The following PTPRT variants were observed in gnomAD, a reference collection of about 807,000 sequenced individuals.
The protein encoded by PTPRT is protein tyrosine phosphatase receptor type T.
In PTPRT, 56 loss-of-function variants were observed where a neutral mutation model predicts 176.8. That is an observed-to-expected ratio of 0.32 (90% CI 0.26 to 0.40). The LOEUF is 0.40. Ranked by LOEUF, PTPRT falls within the 10% of genes least tolerant of loss-of-function variation. The pLI is 1.00. For synonymous variants in PTPRT, 783 were observed against 739.0 expected (o/e 1.06, Z -0.96); for missense variants, 1,540 against 1,908.2 (o/e 0.81, Z 3.60).
At chr20:43,154,770 C>G (rs2014468950) in intron 1 of PTPRT, among the ~76,000 whole-genome samples, 2 of 152,118 alleles carry the variant, frequency 1.3e-5, no homozygotes, top group African/African-American at 2.4e-5. Flanking sequence ...AGACAACTCA[C>G]AGAATAAGAG....
At chr20:42,413,639 C>T (rs574103458) in intron 9 of PTPRT, among the ~76,000 whole-genome samples, 4 of 152,154 alleles carry the variant, frequency 2.6e-5, no homozygotes, top group Non-Finnish European at 5.9e-5. Flanking sequence ...AATGTGCATT[C>T]ATGCATTACC....
intron 7 of PTPRT, among the ~76,000 whole-genome samples, chr20:42,554,238 A>G (rs1475370712): frequency 6.6e-6 from 1 of 152,068 alleles, no homozygotes; most frequent in East Asian, 1.9e-4. Flanking sequence ...TATAATACTA[A>G]TCTGTATGTC....
chr20:42,735,315 G>A (rs900902994), intron 6 of PTPRT, among the ~76,000 whole-genome samples: 3 of 152,088 alleles, frequency 2.0e-5, no homozygotes, highest in African/African-American at 7.2e-5. Flanking sequence ...AGCCAGGTCA[G>A]GCTTGACCCC....
intron 17 of PTPRT, among the ~76,000 whole-genome samples, chr20:42,157,993 A>G (rs944970240): frequency 2.0e-5 from 3 of 152,224 alleles, no homozygotes; most frequent in African/African-American, 7.2e-5. Flanking sequence ...GTGAGTGAAG[A>G]CATGTTCAGA....
intron 4 of PTPRT, among the ~76,000 whole-genome samples, chr20:42,778,959 T>G (rs2077176531): frequency 1.3e-5 from 2 of 152,120 alleles, no homozygotes; most frequent in African/African-American, 4.8e-5. Flanking sequence ...CCCAGTAGCA[T>G]CTCAGCATTC....
intron 19 of PTPRT, among the ~76,000 whole-genome samples, chr20:42,123,267 G>C (rs1409633208): frequency 6.6e-6 from 1 of 152,216 alleles, no homozygotes; most frequent in Admixed American, 6.5e-5. Context: ...TCACATTTTA[G>C]TTGTGGAGTT....
intron 1 of PTPRT, among the ~76,000 whole-genome samples, chr20:43,049,365 G>A (rs1027800114): frequency 3.3e-5 from 5 of 151,960 alleles, no homozygotes; most frequent in African/African-American, 7.3e-5. Flanking sequence ...GCATACATAC[G>A]TAGACACACT....
chr20:42,053,642 T>C, the PTPRT span, among the ~76,000 whole-genome samples: 3 of 152,210 alleles, frequency 2.0e-5, no homozygotes, highest in Non-Finnish European at 4.4e-5. Context: ...ACATGAGAGA[T>C]GGACGTCTTG....
chr20:42,941,088 A>AAATAATAATAATAAT (rs528920602), intron 1 of PTPRT, among the ~76,000 whole-genome samples: 1 of 150,472 alleles, frequency 6.6e-6, no homozygotes, highest in African/African-American at 2.4e-5. Flanking sequence ...TCTCAAAAAA[A>AAATAATAATAATAAT]AATAATAATA....
the PTPRT span, among the ~76,000 whole-genome samples, chr20:42,067,322 C>A: frequency 1.3e-5 from 2 of 152,156 alleles, no homozygotes; most frequent in Non-Finnish European, 2.9e-5. Flanking sequence ...TTGGCTGGAA[C>A]GCACGCCCCC....
intron 1 of PTPRT, among the ~76,000 whole-genome samples, chr20:43,183,737 T>C (rs1043677318): frequency 6.6e-6 from 1 of 152,278 alleles, no homozygotes; most frequent in Admixed American, 6.5e-5. Flanking sequence ...ACAACTGGTC[T>C]GCTGTCTGTC....
At chr20:42,351,283 T>C (rs2058279796) in intron 10 of PTPRT, among the ~76,000 whole-genome samples, 1 of 152,218 alleles carries the variant, frequency 6.6e-6, no homozygotes, top group African/African-American at 2.4e-5. Flanking sequence ...CCTAAAGCTA[T>C]AATCCAAACC....
chr20:42,862,734 C>G (rs2078683281), intron 2 of PTPRT, among the ~76,000 whole-genome samples: 1 of 152,128 alleles, frequency 6.6e-6, no homozygotes, highest in African/African-American at 2.4e-5. Flanking sequence ...ATTTATTTTT[C>G]TCGTCAAGAC....
At chr20:42,774,898 C>T (rs548421765) in intron 4 of PTPRT, among the ~76,000 whole-genome samples, 2 of 152,126 alleles carry the variant, frequency 1.3e-5, no homozygotes, top group African/African-American at 4.8e-5. Flanking sequence ...CTCTTCCCTG[C>T]GTTCCTGGCC....
intron 1 of PTPRT, among the ~76,000 whole-genome samples, chr20:42,986,305 C>A (rs1215242259): frequency 2.0e-5 from 3 of 152,176 alleles, no homozygotes; most frequent in Non-Finnish European, 4.4e-5. Context: ...TGTTCCCAGC[C>A]CCTCTGTGAC....
chr20:42,892,347 G>A (rs761615339), intron 1 of PTPRT, among the ~76,000 whole-genome samples: 6 of 152,124 alleles, frequency 3.9e-5, no homozygotes, highest in Non-Finnish European at 8.8e-5. Context: ...CCCTAGACTG[G>A]ATGGTACCAA....
At chr20:42,203,267 C>T (rs532142485) in intron 15 of PTPRT, among the ~76,000 whole-genome samples, 5 of 152,260 alleles carry the variant, frequency 3.3e-5, no homozygotes, top group African/African-American at 1.2e-4. Flanking sequence ...CTCTCAGTAA[C>T]ACAGAAAAAT....
At chr20:42,909,299 C>T (rs1600546622) in intron 1 of PTPRT, among the ~76,000 whole-genome samples, 1 of 152,270 alleles carries the variant, frequency 6.6e-6, no homozygotes, top group Non-Finnish European at 1.5e-5. Context: ...CTTCTGCTTA[C>T]CCAGATTTCT....
intron 1 of PTPRT, among the ~76,000 whole-genome samples, chr20:42,968,262 C>T (rs1026802908): frequency 3.9e-5 from 6 of 152,190 alleles, no homozygotes; most frequent in Non-Finnish European, 8.8e-5. Context: ...ACAGCAACAA[C>T]GGCCACCTGA....
Sources: gnomAD v4.1 joint callset for allele counts (sites outside exome capture counted in the v4.1 genomes callset) on GRCh38, gnomAD v4.1.1 for gene constraint, MANE v1.5 for transcripts, NCBI Gene and HGNC (gene_info 2026-07-23, HGNC 2026-07-21) for gene names.